The following LHPP variants were observed in gnomAD, a reference collection of about 807,000 sequenced individuals.
LHPP encodes the protein hLHPP.
A neutral mutation model predicts 30.3 loss-of-function variants in LHPP; 24 were observed. The observed-to-expected ratio is 0.79, with a 90% CI of 0.57 to 1.11. The LOEUF (loss-of-function observed/expected upper bound fraction) is 1.11, where lower values mean the gene tolerates loss of function less well. LHPP is among the 50% of genes most tolerant of loss of function. LHPP has a pLI of 0.00. For missense variants in LHPP, 356 were observed against 367.2 expected (o/e 0.97, Z 0.25); for synonymous variants, 150 against 157.1 (o/e 0.95, Z 0.34).
In LHPP at chr10:124,529,800, C is replaced by A. The variant is rs1554887634; in HGVS notation, c.716+12529C>A. 6.1e-5 allele frequency among the ~76,000 whole-genome samples: 8 copies of A among 131,662 alleles called. No homozygotes were observed. In the East Asian group the frequency reaches 2.0e-3, roughly 32 times the overall value. 86.4% of individuals were successfully genotyped at this position (131,662 alleles called of 152,430 possible). The stretch of plus-strand genomic sequence containing the variant: ...CTAGACACCAGCTCATGCACATACA[C>A]ACACACACACACGCACACACACACA... On this transcript the variant is annotated intron_variant, in intron 6 of 6. Transcript: ENST00000368842.
At chr10:124,566,946 C>T (rs887707130) in intron 6 of LHPP, among the ~76,000 whole-genome samples, 13 of 152,214 alleles carry the variant, frequency 8.5e-5, no homozygotes, top group African/African-American at 2.9e-4. Flanking sequence ...AGGAGCCCCA[C>T]ACCCGCTCCC....
At chr10:124,581,611 A>G (rs1332478001) in intron 6 of LHPP, among the ~76,000 whole-genome samples, 2 of 152,188 alleles carry the variant, frequency 1.3e-5, no homozygotes, top group Admixed American at 1.3e-4. Context: ...TGGCTGGTGA[A>G]GTACTATCTC....
rs145451625 is a variant in LHPP at position 124,606,673 on chromosome 10, C to CA, written c.717-6590dup. Among the ~76,000 whole-genome samples the CA allele has an allele frequency of 2.2e-3, 330 of 152,380 alleles. 1 individual carries two copies. Among genetic ancestry groups the CA allele is most frequent in the African/African-American group, 7.3e-3 (304 of 41,596 alleles). ...GTGAAGAGACCGGCCCTGGGCCATG[C>CA]ACTTTTTTGGGGACAGAGCAGGGTG... On this transcript the variant is annotated intron_variant, in intron 6 of 6. Transcript: ENST00000368842.
chr10:124,465,702 C>T (rs1365267099), intron 1 of LHPP, among the ~76,000 whole-genome samples: 1 of 152,174 alleles, frequency 6.6e-6, no homozygotes, highest in Non-Finnish European at 1.5e-5. Flanking sequence ...GCTGGGACTA[C>T]AGGCATATGC....
At position 124,544,196 on chromosome 10, in the gene LHPP, G is replaced by A. The variant is rs529706489; in HGVS notation, c.716+26925G>A. 4.6e-5 allele frequency among the ~76,000 whole-genome samples: 7 copies of A among 151,636 alleles called. 1 individual carries two copies. The highest frequency in any genetic ancestry group is 9.7e-5 in the African/African-American group (4 of 41,398). On this transcript the variant is annotated intron_variant, in intron 6 of 6. Coordinates refer to ENST00000368842, the MANE Select transcript of LHPP (RefSeq NM_022126.4). ...TGACAGACGGGTATGTGCCTCACCCGGCATCACCCACCGGGGAGGCCTCCG... is the reference window on the plus strand; with the variant it reads ...TGACAGACGGGTATGTGCCTCACCCAGCATCACCCACCGGGGAGGCCTCCG...
At chr10:124,499,387 T>C (rs1436221988) in intron 5 of LHPP, among the ~76,000 whole-genome samples, 3 of 151,768 alleles carry the variant, frequency 2.0e-5, no homozygotes, top group Non-Finnish European at 4.4e-5. Context: ...CTGACGCCTG[T>C]AGTCCCAACA....
chr10:124,519,906 C>T (rs946405812), intron 6 of LHPP, among the ~76,000 whole-genome samples: 2 of 151,972 alleles, frequency 1.3e-5, no homozygotes, highest in African/African-American at 4.8e-5. Flanking sequence ...AGTCTCGGCT[C>T]ACTGCAAGCT....
At chr10:124,525,926 C>A (rs868276850) in intron 6 of LHPP, among the ~76,000 whole-genome samples, 4 of 152,156 alleles carry the variant, frequency 2.6e-5, no homozygotes, top group African/African-American at 7.2e-5. Context: ...GGCTGGGGGG[C>A]TCTGAGCTGA....
At chr10:124,473,048 C>T (rs1198778256) in intron 1 of LHPP, among the ~76,000 whole-genome samples, 1 of 151,336 alleles carries the variant, frequency 6.6e-6, no homozygotes, top group East Asian at 1.9e-4. Flanking sequence ...CTGATCTCAG[C>T]CTTGGTGGGC....
chr10:124,572,316 G>A (rs1948595642), intron 6 of LHPP, among the ~76,000 whole-genome samples: 1 of 152,108 alleles, frequency 6.6e-6, no homozygotes, highest in African/African-American at 2.4e-5. Flanking sequence ...ACCGAGAAGT[G>A]TACATGCTGC....
chr10:124,505,062 A>G (rs1308487640), intron 5 of LHPP, among the ~76,000 whole-genome samples: 5 of 151,720 alleles, frequency 3.3e-5, no homozygotes, highest in Non-Finnish European at 7.4e-5. Flanking sequence ...TGTCTTATTT[A>G]CCTCCCACAT....
At chr10:124,553,520 A>G (rs1306285182) in intron 6 of LHPP, among the ~76,000 whole-genome samples, 6 of 129,660 alleles carry the variant, frequency 4.6e-5, no homozygotes, top group Non-Finnish European at 7.8e-5. Context: ...GTGCCGTGGC[A>G]CAATCTCAGC....
intron 6 of LHPP, among the ~76,000 whole-genome samples, chr10:124,525,532 T>C (rs549471311): frequency 2.6e-5 from 4 of 152,280 alleles, no homozygotes; most frequent in Admixed American, 6.5e-5. Context: ...ATTGTCAGCA[T>C]GTGGCAGTCC....
At chr10:124,470,060 G>T (rs191025470) in intron 1 of LHPP, among the ~76,000 whole-genome samples, 2 of 152,196 alleles carry the variant, frequency 1.3e-5, no homozygotes, top group Admixed American at 6.5e-5. Context: ...GTCACAGGCC[G>T]GAGGACATCT....
chr10:124,489,729 G>A, intron 3 of LHPP: 1 of 164,684 alleles, frequency 6.1e-6, no homozygotes, highest in Non-Finnish European at 1.3e-5. Context: ...TGGGATTACA[G>A]GCATGAGCCA....
chr10:124,472,685 G>A (rs957402405), intron 1 of LHPP, among the ~76,000 whole-genome samples: 5 of 151,898 alleles, frequency 3.3e-5, no homozygotes, highest in Non-Finnish European at 7.4e-5. Flanking sequence ...AGCCTCCTGA[G>A]TAGCTGGGAC....
chr10:124,612,865 C>G, intron 6 of LHPP: 1 of 214,022 alleles, frequency 4.7e-6, no homozygotes, highest in South Asian at 8.9e-5. Flanking sequence ...TAGGCTCCTC[C>G]CACGGGGCAC....
rs755789576 is a variant in LHPP at position 124,590,121 on chromosome 10, G to A, written c.717-23143G>A. 6.6e-6 allele frequency among the ~76,000 whole-genome samples: 1 copy of A among 152,146 alleles called. No homozygotes were observed. The highest frequency in any genetic ancestry group is 1.5e-5 in the Non-Finnish European group (1 of 68,034). On this transcript the variant is annotated intron_variant, in intron 6 of 6. Coordinates refer to ENST00000368842, the MANE Select transcript of LHPP (RefSeq NM_022126.4). This position sits in a 1 kb window ranked among gnomAD's most constrained non-coding sequence, Gnocchi z 4.3. ...AAAGAATAGTGTGAACAGCTCATTC[G>A]ATTCGTTCATGTGACGTCCTCCCTC...
At chr10:124,537,086 C>G (rs757101715) in intron 6 of LHPP, among the ~76,000 whole-genome samples, 15 of 152,194 alleles carry the variant, frequency 9.9e-5, no homozygotes, top group Non-Finnish European at 1.5e-4. Flanking sequence ...TTACAGTAAG[C>G]CTTAAGGTAA....
Sources: allele counts gnomAD v4.1 joint callset (sites outside exome capture counted in the v4.1 genomes callset), GRCh38; gene constraint gnomAD v4.1.1; non-coding constraint Gnocchi (gnomAD v3.1); transcripts MANE v1.5; gene names NCBI Gene and HGNC (gene_info 2026-07-23, HGNC 2026-07-21).